Variants in STRN observed in about 807,000 individuals in gnomAD.
STRN encodes striatin.
A neutral mutation model predicts 96.3 loss-of-function variants in STRN; 53 were observed. The ratio of observed to expected loss-of-function variants is 0.55; its 90% confidence interval spans 0.44 to 0.69. The LOEUF is 0.69. Ranked by LOEUF, STRN falls within the 30% of genes least tolerant of loss-of-function variation. STRN has a pLI of 0.00. For missense variants in STRN, 987 were observed against 963.9 expected (o/e 1.02, Z -0.32); for synonymous variants, 428 against 355.9 (o/e 1.20, Z -2.28).
intron 1 of STRN, among the ~76,000 whole-genome samples, chr2:36,935,819 C>T (rs1019082643): frequency 8.5e-5 from 13 of 152,104 alleles, no homozygotes; most frequent in Admixed American, 7.9e-4. Flanking sequence ...CAAGAACATA[C>T]GAAGTAGAAG....
intron 11 of STRN, among the ~76,000 whole-genome samples, chr2:36,869,324 G>A (rs899825543): frequency 3.3e-5 from 5 of 152,196 alleles, no homozygotes; most frequent in African/African-American, 9.6e-5. Flanking sequence ...ACTGTAATCA[G>A]TATTCACAAA....
intron 1 of STRN, among the ~76,000 whole-genome samples, chr2:36,965,144 C>CA (rs1370505594): frequency 2.6e-5 from 4 of 151,938 alleles, no homozygotes; most frequent in African/African-American, 9.7e-5. Flanking sequence ...TACATGTTAC[C>CA]AAAAAAAGTG....
At chr2:36,935,646 G>A (rs866107041) in intron 1 of STRN, among the ~76,000 whole-genome samples, 1 of 152,142 alleles carries the variant, frequency 6.6e-6, no homozygotes, top group Non-Finnish European at 1.5e-5. Context: ...ACAACAAAAA[G>A]CGGATTTTTG....
At chr2:36,943,584 C>G (rs1297527495) in intron 1 of STRN, among the ~76,000 whole-genome samples, 1 of 151,940 alleles carries the variant, frequency 6.6e-6, no homozygotes, top group African/African-American at 2.4e-5. Flanking sequence ...GCGGGAGAAT[C>G]ACGAGGTCAG....
chr2:36,886,932 AACTT>A (rs1478879593), intron 7 of STRN, 106 bp from the exon 8 acceptor site: 7 of 804,082 alleles, frequency 8.7e-6, no homozygotes, highest in Non-Finnish European at 1.9e-6. Flanking sequence ...TAGTATCACT[AACTT>A]AAAAAAAGTC....
intron 1 of STRN, among the ~76,000 whole-genome samples, chr2:36,926,623 C>A (rs1670417766): frequency 6.6e-6 from 1 of 152,116 alleles, no homozygotes; most frequent in South Asian, 2.1e-4. Context: ...AACATAAAAT[C>A]CAACTTATCT....
intron 1 of STRN, among the ~76,000 whole-genome samples, chr2:36,944,971 T>C (rs867827952): frequency 7.2e-5 from 11 of 152,226 alleles, no homozygotes; most frequent in Non-Finnish European, 1.5e-5. Context: ...AGAGCAGTCA[T>C]TCTGGAAAGC....
At position 36,848,925 on chromosome 2, in the gene STRN, G is replaced by C. The variant is rs1010015463; in HGVS notation, c.*531C>G. 3.9e-5 allele frequency: 6 copies of C among 153,206 alleles called. No individual in the cohort carries two copies. The highest frequency in any genetic ancestry group is 1.4e-4 in the African/African-American group (6 of 41,428). 9.5% of individuals were successfully genotyped at this position (153,206 alleles called of 1,614,324 possible). A position where few individuals can be genotyped will look rare whatever the true frequency, so the allele number is the denominator to read the frequency against. ...GGTGCTTTATGTGAACAGCTGAAAG[G>C]AGAGTCAAATTAAAAACTCAGTTTA... On this transcript the variant is annotated 3_prime_UTR_variant, in exon 18 of 18. Transcript: ENST00000263918.
chr2:36,882,038 T>G (rs1350403023), intron 9 of STRN, among the ~76,000 whole-genome samples: 1 of 152,212 alleles, frequency 6.6e-6, no homozygotes, highest in African/African-American at 2.4e-5. Context: ...ATTCTTTGTA[T>G]GGGTAATAAA....
rs1327745686 is a variant in STRN, at chr2:36,938,446, GT to G, written c.235-13239del. Among the ~76,000 whole-genome samples, 5 of 151,636 alleles carry G rather than the reference GT, an allele frequency of 3.3e-5. No individual in the cohort carries two copies. The East Asian group carries it at 9.7e-4, about 29-fold the overall frequency. On this transcript the variant is annotated intron_variant, in intron 1 of 17. Coordinates refer to ENST00000263918, the MANE Select transcript of STRN (RefSeq NM_003162.4). ...GTCTCAATTAAAAAAAAAAAAAAGA[GT>G]TTAAGAAATTAAGGAAAGCTGAGCG...
At chr2:36,913,780 G>C (rs1670023607) in intron 3 of STRN, among the ~76,000 whole-genome samples, 2 of 152,278 alleles carry the variant, frequency 1.3e-5, no homozygotes, top group South Asian at 4.1e-4. Context: ...AGAATAACTA[G>C]GTATTGTACA....
chr2:36,858,878 T>C (rs1445265725), intron 13 of STRN, among the ~76,000 whole-genome samples: 1 of 152,204 alleles, frequency 6.6e-6, no homozygotes, highest in East Asian at 1.9e-4. Context: ...ACAATAATTG[T>C]GACAGACATC....
intron 10 of STRN, among the ~76,000 whole-genome samples, chr2:36,877,654 G>GC (rs1030849567): frequency 6.6e-6 from 1 of 151,200 alleles, no homozygotes; most frequent in Non-Finnish European, 1.5e-5. Context: ...TCCTGCCATA[G>GC]CCCCCCTAGT....
At chr2:36,957,768 T>TTTTTG (rs1664931081) in intron 1 of STRN, among the ~76,000 whole-genome samples, 1 of 123,134 alleles carries the variant, frequency 8.1e-6, no homozygotes, top group Non-Finnish European at 1.7e-5. Flanking sequence ...TTTTTTTTTT[T>TTTTTG]TTTTGAGGTG....
intron 4 of STRN, among the ~76,000 whole-genome samples, chr2:36,903,405 T>C (rs1192248976): frequency 6.6e-6 from 1 of 152,204 alleles, no homozygotes; most frequent in African/African-American, 2.4e-5. Context: ...ACTTTAATTC[T>C]CCTGAACCTC....
intron 6 of STRN, among the ~76,000 whole-genome samples, chr2:36,894,241 CTTGTT>C (rs1416466266): frequency 1.3e-5 from 2 of 152,116 alleles, no homozygotes; most frequent in African/African-American, 4.8e-5. Flanking sequence ...GGTATTATGG[CTTGTT>C]TTAAGTAAAC....
intron 6 of STRN, among the ~76,000 whole-genome samples, chr2:36,894,327 A>G (rs942053938): frequency 6.6e-6 from 1 of 152,208 alleles, no homozygotes; most frequent in Non-Finnish European, 1.5e-5. Flanking sequence ...AGGTTCCCAT[A>G]ATTATTTCTA....
At chr2:36,958,241 C>G (rs551097548) in intron 1 of STRN, among the ~76,000 whole-genome samples, 1 of 152,096 alleles carries the variant, frequency 6.6e-6, no homozygotes, top group African/African-American at 2.4e-5. Flanking sequence ...TTTTCAAGGA[C>G]AGCAGGCGGC....
At chr2:36,866,464 G>T (rs1305377122) in intron 12 of STRN, among the ~76,000 whole-genome samples, 1 of 152,168 alleles carries the variant, frequency 6.6e-6, no homozygotes, top group African/African-American at 2.4e-5. Flanking sequence ...TCAGGAGTGT[G>T]GTTGATTTTA....
Sources: allele counts gnomAD v4.1 joint callset (sites outside exome capture counted in the v4.1 genomes callset), GRCh38; gene constraint gnomAD v4.1.1; transcripts MANE v1.5; gene names NCBI Gene and HGNC (gene_info 2026-07-23, HGNC 2026-07-21).